The following GPR137 variants were observed in gnomAD, a reference collection of about 807,000 sequenced individuals.
GPR137 encodes the protein G protein-coupled receptor 137, also known as integral membrane protein GPR137.
Under a neutral mutation model 38.9 loss-of-function variants are expected in GPR137, and 20 were observed. The observed-to-expected ratio is 0.51, with a 90% confidence interval of 0.36 to 0.75. GPR137 has a LOEUF of 0.75. Among genes scored for constraint, GPR137 ranks in the 30% least tolerant of loss-of-function variants. The probability of loss-of-function intolerance (pLI) is 0.00; values close to 1 mark genes in which losing one functional copy is unlikely to be tolerated. For missense variants in GPR137, 456 were observed against 526.4 expected (o/e 0.87, Z 1.31); for synonymous variants, 226 against 235.8 (o/e 0.96, Z 0.38).
Position 64,286,545 on chromosome 11 carries a change from CCTGGTGCCTGCTGCCGGG to C in GPR137, c.33_50del (p.Ala12_Ala17del), listed in dbSNP as rs751594812. The C allele has an allele frequency of 6.2e-7, 1 of 1,612,198 alleles. No individual in the cohort carries two copies. The highest frequency in any genetic ancestry group is 8.5e-7 in the Non-Finnish European group (1 of 1,178,848). On this transcript the variant is annotated inframe_deletion, in exon 1 of 7. Transcript: ENST00000438980. ...CTGACATGGAGAGTAACCTGTCTGG[CCTGGTGCCTGCTGCCGGG>C]CTGGTGCCTGCGCTGCCACCTGCTG...
Position 64,288,924 on chromosome 11 carries a change from G to A in GPR137, c.1032-113G>A. 1 of 1,442,912 alleles carries A rather than the reference G, an allele frequency of 6.9e-7. No individual in the cohort carries two copies. The highest frequency in any genetic ancestry group is 9.1e-7 in the Non-Finnish European group (1 of 1,103,380). 89.4% of individuals were successfully genotyped at this position (1,442,912 alleles called of 1,614,324 possible). On this transcript the variant is annotated intron_variant, in intron 6 of 6. Coordinates refer to ENST00000438980, the MANE Select transcript of GPR137 (RefSeq NM_001170880.2). The surrounding 1 kb of genome is among the most constrained non-coding windows in gnomAD (Gnocchi z 5.5). ...TGCCTAGAGATGTACTTTGTCCTGG[G>A]CCCCGAAGGTCTAGGTCACAGGGGT...
At chr11:64,281,433 A>T (rs2033462706), upstream of GPR137, among the ~76,000 whole-genome samples, 1 of 152,244 alleles carries the variant, frequency 6.6e-6, no homozygotes, top group African/African-American at 2.4e-5. Flanking sequence ...AAATCTGACC[A>T]TGCTGCCTCT....
At chr11:64,275,725 T>C (rs2033009966) in exon 1 of GPR137, 1 of 151,988 alleles carries the variant, frequency 6.6e-6, no homozygotes, top group South Asian at 2.1e-4. Context: ...ACAGGACCAC[T>C]ACGCTTGCCG....
chr11:64,287,416 A>T (rs2034217559), intron 2 of GPR137: 1 of 743,270 alleles, frequency 1.3e-6, no homozygotes. Flanking sequence ...CTGAGAGGCT[A>T]CTATCCTCCC....
Position 64,287,942 on chromosome 11 carries a change from C to T in GPR137, c.629C>T (p.Ala210Val). 1.2e-6 allele frequency: 2 copies of T among 1,601,256 alleles called. No individual in the cohort carries two copies. The highest frequency in any genetic ancestry group is 1.1e-5 in the South Asian group (1 of 91,066). ...RAPSTSIYLE[A>V]KGTSVCQAAA... ...CCCTCCACTAGCATCTACCTGGAGG[C>T]CAAGGTAGGGCTGCAGCACTGATGC... Residue 210 changes from alanine to valine, a missense_variant, in exon 3 of 7, where the codon GCC becomes GTC. Ala to Val is a moderately conservative substitution (Grantham distance 64). Transcript: ENST00000438980.
upstream of GPR137, among the ~76,000 whole-genome samples, chr11:64,279,725 T>C (rs1565349848): frequency 7.2e-6 from 1 of 139,760 alleles, no homozygotes; most frequent in Non-Finnish European, 1.5e-5. Context: ...ATCGTGCCAC[T>C]GCACTCCAGC....
upstream of GPR137, chr11:64,285,840 AG>A (rs200037124): frequency 2.0e-6 from 2 of 982,898 alleles, no homozygotes; most frequent in Non-Finnish European, 2.4e-6. Flanking sequence ...GCGGAGGGGG[AG>A]GGGGGCGGAG....
At chr11:64,282,174 C>T (rs1190590004), upstream of GPR137, among the ~76,000 whole-genome samples, 1 of 152,202 alleles carries the variant, frequency 6.6e-6, no homozygotes, top group East Asian at 1.9e-4. Flanking sequence ...GGCCCCCTAG[C>T]AACTGGAACA....
At chr11:64,278,359 T>A (rs2033206052) in intron 2 of GPR137, among the ~76,000 whole-genome samples, 1 of 149,266 alleles carries the variant, frequency 6.7e-6, no homozygotes, top group Non-Finnish European at 1.5e-5. Context: ...TGAGGCTCCA[T>A]CTTGGAAAAA....
At chr11:64,271,762 G>A (rs1443460314), upstream of GPR137, 5 of 1,407,776 alleles carry the variant, frequency 3.6e-6, no homozygotes, top group Non-Finnish European at 4.6e-6. Flanking sequence ...GTCCCCGCGG[G>A]GTAGGAGCTG....
chr11:64,276,607 G>A (rs1377151707), intron 2 of GPR137, among the ~76,000 whole-genome samples: 2 of 152,194 alleles, frequency 1.3e-5, no homozygotes, highest in African/African-American at 2.4e-5. Context: ...GATTACAGGC[G>A]TGAGCCACGG....
At chr11:64,287,976 CT>C in intron 3 of GPR137, 30 bp downstream of exon 3, 1 of 1,601,428 alleles carries the variant, frequency 6.2e-7, no homozygotes, top group Non-Finnish European at 8.5e-7. Context: ...GCCCAGGTGT[CT>C]TTTGGGTCTC....
upstream of GPR137, chr11:64,272,909 A>G (rs777472809): frequency 1.3e-5 from 2 of 152,388 alleles, no homozygotes; most frequent in Non-Finnish European, 2.9e-5. Flanking sequence ...CTGTGTGAAC[A>G]TCACATAAAA....
At chr11:64,284,320 A>G (rs1445965337), upstream of GPR137, 1 of 1,612,692 alleles carries the variant, frequency 6.2e-7, no homozygotes, top group East Asian at 2.2e-5. Flanking sequence ...CTCTCTGCAG[A>G]GCTGGAGTCT....
In GPR137 at chr11:64,286,039, C is replaced by T. The variant is rs2135173930; in HGVS notation, c.-486C>T. The T allele has an allele frequency of 4.1e-6, 4 of 986,646 alleles. No individual in the cohort carries two copies. The highest frequency in any genetic ancestry group is 4.8e-6 in the Non-Finnish European group (4 of 830,636). The allele number at this position is 986,646 out of a possible 1,614,324, so 61.1% of individuals were successfully genotyped here. ...ACAGGAGGCAGAGGCCCTCCCCATC[C>T]GCATTATTGGAGGAGAGAGAGCCTC... On this transcript the variant is annotated 5_prime_UTR_variant, in exon 1 of 7. Transcript: ENST00000438980.
At chr11:64,273,708 C>T (rs866524206), upstream of GPR137, among the ~76,000 whole-genome samples, 6 of 151,826 alleles carry the variant, frequency 4.0e-5, no homozygotes, top group Middle Eastern at 3.4e-3. Flanking sequence ...GGTAAAACCC[C>T]GTCTCTACTA....
upstream of GPR137, chr11:64,285,531 C>T (rs1591192211): frequency 3.0e-6 from 3 of 984,996 alleles, no homozygotes; most frequent in South Asian, 4.7e-5. Flanking sequence ...GAATCCGTTG[C>T]CGCCCCCGGC....
chr11:64,278,153 G>T (rs920464526), intron 2 of GPR137, among the ~76,000 whole-genome samples: 1 of 152,048 alleles, frequency 6.6e-6, no homozygotes, highest in Non-Finnish European at 1.5e-5. Context: ...AATTAGCCAG[G>T]CATGGTGGCG....
chr11:64,284,849 C>T (rs1555071210), upstream of GPR137: 4 of 1,503,158 alleles, frequency 2.7e-6, no homozygotes, highest in East Asian at 7.4e-5. Context: ...TTTCCTCCCT[C>T]CTTCGGCCCC....
Sources: allele counts gnomAD v4.1 joint callset (sites outside exome capture counted in the v4.1 genomes callset), GRCh38; gene constraint gnomAD v4.1.1; non-coding constraint Gnocchi (gnomAD v3.1); transcripts MANE v1.5; gene names NCBI Gene and HGNC (gene_info 2026-07-23, HGNC 2026-07-21).